The following MYCL variants were observed in gnomAD, a reference collection of about 807,000 sequenced individuals.
The protein encoded by MYCL is MYCL proto-oncogene, bHLH transcription factor.
MYCL carries 11 observed loss-of-function variants against 31.0 expected under a neutral mutation model. That is an observed-to-expected ratio of 0.35 (90% confidence interval 0.22 to 0.59). The LOEUF (loss-of-function observed/expected upper bound fraction) is 0.59. Among genes scored for constraint, MYCL ranks in the 20% least tolerant of loss-of-function variants. The pLI is 0.79. For missense variants in MYCL, 427 were observed against 486.1 expected, an observed-to-expected ratio of 0.88 and a Z score of 1.14; for synonymous variants, 208 against 202.4, an observed-to-expected ratio of 1.03 and a Z score of -0.23.
rs778410335 is a variant in MYCL at position 39,897,908 on chromosome 1, C to G, written c.559G>C (p.Val187Leu). The G allele has an allele frequency of 6.2e-7, 1 of 1,614,132 alleles. No homozygotes were observed. The highest frequency in any genetic ancestry group is 1.3e-5 in the African/African-American group (1 of 75,008). ...KRQSLGIRKP[V>L]TITVRADPLD... ...GGGTCTGCTCGCACCGTGATGGTGA[C>G]CGGCTTCCGAATACCCAGAGACTGC... is the stretch of plus-strand genomic sequence containing the variant. Residue 187 changes from valine (V) to leucine (L), a missense_variant, in exon 2 of 2, where the codon GTC becomes CTC. By Grantham distance (32) the Val-to-Leu change is conservative. Transcript: ENST00000372816. This position sits in a 1 kb window ranked among gnomAD's most constrained non-coding sequence, Gnocchi z 4.3.
In MYCL at chr1:39,901,762, C is replaced by T. The variant is rs1478835175; in HGVS notation, c.-328G>A. 1.6e-6 allele frequency: 2 copies of T among 1,223,776 alleles called. No individual in the cohort carries two copies. Among genetic ancestry groups the T allele is most frequent in the Non-Finnish European group, 2.0e-6 (2 of 980,382 alleles). The allele number at this position is 1,223,776 out of a possible 1,614,324, so 75.8% of individuals were successfully genotyped here. A position where few individuals can be genotyped will look rare whatever the true frequency, so the allele number is the denominator to read the frequency against. ...CCCAGAAGGCAGCCTGCAGCCAGCC[C>T]GCACCGCGGGACCCGCGCCCGTGCC... is the stretch of plus-strand genomic sequence containing the variant. On this transcript the variant is annotated 5_prime_UTR_variant, in exon 1 of 2. Transcript: ENST00000372816. The surrounding 1 kb of genome is among the most constrained non-coding windows in gnomAD (Gnocchi z 6.9).
chr1:39,898,397 A>G (rs1325566977), intron 1 of MYCL, among the ~76,000 whole-genome samples: 3 of 152,196 alleles, frequency 2.0e-5, no homozygotes, highest in Admixed American at 1.3e-4. Flanking sequence ...GTCTGTGGGC[A>G]GAGCTGCCCT....
chr1:39,901,848 C>G lies in MYCL; in HGVS notation c.-414G>C, dbSNP rs1241435200. On this transcript the variant is annotated 5_prime_UTR_variant, in exon 1 of 2. Coordinates refer to ENST00000372816, the MANE Select transcript of MYCL (RefSeq NM_001033081.3). This position sits in a 1 kb window ranked among gnomAD's most constrained non-coding sequence, Gnocchi z 6.9. Reference sequence around the variant, plus strand: ...CGCCACCTGGAGCGGACCGGCTCCCCGCCGGCTCGGGGCAGCCCGGCAGCC... The same window carrying G: ...CGCCACCTGGAGCGGACCGGCTCCCGGCCGGCTCGGGGCAGCCCGGCAGCC... 7.2e-6 allele frequency: 9 copies of G among 1,254,824 alleles called. No individual in the cohort carries two copies. The highest frequency in any genetic ancestry group is 2.0e-5 in the South Asian group (1 of 51,026). The allele number at this position is 1,254,824 out of a possible 1,614,324, so 77.7% of individuals were successfully genotyped here.
At chr1:39,899,653 C>A in intron 1 of MYCL, 4 of 985,462 alleles carry the variant, frequency 4.1e-6, no homozygotes, top group Non-Finnish European at 4.8e-6. Context: ...TCTCAAGATT[C>A]TCTTTCCAGC....
intron 1 of MYCL, chr1:39,898,925 T>G: frequency 1.0e-6 from 1 of 985,452 alleles, no homozygotes; most frequent in Non-Finnish European, 1.2e-6. Context: ...TTTTGCAGCC[T>G]CCACACAGAA....
rs1224607952 is a variant in MYCL, at chr1:39,897,869, T to C, written c.598A>G (p.Met200Val). ...TGGATGGAGATGTGGAAATGCTTCATGCAGGGATCCAGGGGGTCTGCTCGC... is the reference window on the plus strand; with the variant it reads ...TGGATGGAGATGTGGAAATGCTTCACGCAGGGATCCAGGGGGTCTGCTCGC... ...TVRADPLDPC[M>V]KHFHISIHQQ... Residue 200 changes from methionine to valine, a missense_variant, in exon 2 of 2, where the codon ATG becomes GTG. By Grantham distance (21) the Met-to-Val change is conservative. Transcript: ENST00000372816. The surrounding 1 kb of genome is among the most constrained non-coding windows in gnomAD (Gnocchi z 4.3). 1.9e-6 allele frequency: 3 copies of C among 1,614,214 alleles called. No individual in the cohort carries two copies. The highest frequency in any genetic ancestry group is 4.5e-5 in the East Asian group (2 of 44,884).
chr1:39,898,785 T>C, intron 1 of MYCL: 1 of 985,452 alleles, frequency 1.0e-6, no homozygotes, highest in Non-Finnish European at 1.2e-6. Flanking sequence ...GTCCCAGATA[T>C]GGGGCTCATA....
intron 1 of MYCL, chr1:39,899,241 T>A (rs1184091269): frequency 3.4e-6 from 1 of 290,558 alleles, no homozygotes; most frequent in African/African-American, 2.3e-5. Flanking sequence ...CCAGGCCATG[T>A]GGCCTGTGAG....
chr1:39,896,140 A>T lies in MYCL; in HGVS notation c.*1232T>A. 4.8e-6 allele frequency: 1 copy of T among 207,414 alleles called. No individual in the cohort carries two copies. Among genetic ancestry groups the T allele is most frequent in the African/African-American group, 2.3e-5 (1 of 43,934 alleles). The allele number at this position is 207,414 out of a possible 1,614,324, so 12.8% of individuals were successfully genotyped here. ...GGGTAAAATCCATCATGGTTGGCTAAGCATATCTCCTGGAGGCTCCTTTAA... is the reference window on the plus strand; with the variant it reads ...GGGTAAAATCCATCATGGTTGGCTATGCATATCTCCTGGAGGCTCCTTTAA... On this transcript the variant is annotated 3_prime_UTR_variant, in exon 2 of 2. Transcript: ENST00000372816.
At position 39,897,774 on chromosome 1, in the gene MYCL, C is replaced by T; in HGVS notation, c.693G>A (p.Arg231=). 2 of 1,614,114 alleles carry T rather than the reference C, an allele frequency of 1.2e-6. No homozygotes were observed. The highest frequency in any genetic ancestry group is 1.7e-6 in the Non-Finnish European group (2 of 1,180,030). ...ESCSQEEASE[R]GPQEEVLERD... Reference sequence around the variant, plus strand: ...TCTCCAGAACCTCTTCTTGGGGACCCCTCTCTGAAGCCTCTTCTTGGGAGC... The same window carrying T: ...TCTCCAGAACCTCTTCTTGGGGACCTCTCTCTGAAGCCTCTTCTTGGGAGC... Residue 231 remains arginine, a synonymous_variant, in exon 2 of 2, where the codon AGG becomes AGA. Coordinates refer to ENST00000372816, the MANE Select transcript of MYCL (RefSeq NM_001033081.3). The surrounding 1 kb of genome is among the most constrained non-coding windows in gnomAD (Gnocchi z 4.3).
intron 1 of MYCL, chr1:39,900,194 A>G: frequency 3.0e-6 from 3 of 985,522 alleles, no homozygotes; most frequent in Non-Finnish European, 2.4e-6. Context: ...CTCAGGACAA[A>G]CAGCAAGGCA....
chr1:39,898,625 A>G, intron 1 of MYCL: 3 of 983,988 alleles, frequency 3.0e-6, no homozygotes, highest in Non-Finnish European at 3.6e-6. Context: ...AAAGTCATCC[A>G]TCATTTATAG....
rs781669437 is a variant in MYCL, at chr1:39,897,693, T to G, written c.774A>C (p.Pro258=). The G allele has an allele frequency of 1.2e-6, 2 of 1,614,108 alleles. No homozygotes were observed. Among genetic ancestry groups the G allele is most frequent in the East Asian group, 4.5e-5 (2 of 44,880 alleles). The change falls in exon 2 of 2, where the codon CCA becomes CCC. Residue 258 remains proline, a synonymous_variant. Transcript: ENST00000372816. The surrounding 1 kb of genome is among the most constrained non-coding windows in gnomAD (Gnocchi z 4.3). The stretch of plus-strand genomic sequence containing the variant: ...ACTGGGCAGCCTCACTTTCTACAGG[T>G]GGGGGACTCACAATCTCTTCATCCT... ...DEEDEEIVSP[P]PVESEAAQSC... is the part of the protein sequence containing the mutation.
In MYCL at chr1:39,901,278, C is replaced by G; in HGVS notation, c.157G>C (p.Asp53His). The change falls in exon 1 of 2, where the codon GAC (aspartate) becomes CAC (histidine). Residue 53 changes from aspartate (D) to histidine (H), a missense_variant. Physicochemically the swap from Asp to His is moderately conservative, Grantham distance 81 (BLOSUM62 -1). Coordinates refer to ENST00000372816, the MANE Select transcript of MYCL (RefSeq NM_001033081.3). The surrounding 1 kb of genome is among the most constrained non-coding windows in gnomAD (Gnocchi z 6.9). ...PPWGLGPGAGDPAPGIGPPEP... is the reference protein window; with the variant it reads ...PPWGLGPGAGHPAPGIGPPEP... ...GGGGGACCAATCCCGGGGGCCGGGT[C>G]CCCTGCGCCGGGACCCAAGCCCCAG... 1.2e-6 allele frequency: 2 copies of G among 1,600,438 alleles called. No individual in the cohort carries two copies. Among genetic ancestry groups the G allele is most frequent in the South Asian group, 2.2e-5 (2 of 89,462 alleles).
At position 39,901,388 on chromosome 1, in the gene MYCL, C is replaced by T; in HGVS notation, c.47G>A (p.Gly16Glu). ...CGCCGTGGAGCGGTAGAAATCCTCC[C>T]CGCAGTCATAGTCGTAGAAATAGTG... ...YQHYFYDYDC[G>E]EDFYRSTAPS... is the part of the protein sequence containing the mutation. Residue 16 changes from glycine (G) to glutamate (E), a missense_variant, in exon 1 of 2, where the codon GGG becomes GAG. By Grantham distance (98) the Gly-to-Glu change is moderately conservative. Transcript: ENST00000372816. This position sits in a 1 kb window ranked among gnomAD's most constrained non-coding sequence, Gnocchi z 6.9. The T allele has an allele frequency of 6.2e-7, 1 of 1,613,052 alleles. No homozygotes were observed. Among genetic ancestry groups the T allele is most frequent in the South Asian group, 1.1e-5 (1 of 90,780 alleles).
In MYCL at chr1:39,899,150, C is replaced by A. The variant is rs970121572; in HGVS notation, c.497-1180G>T. 20 of 908,284 alleles carry A rather than the reference C, an allele frequency of 2.2e-5. No individual in the cohort carries two copies. In the African/African-American group the frequency reaches 3.6e-4, roughly 16 times the overall value. The allele number at this position is 908,284 out of a possible 1,614,324, so 56.3% of individuals were successfully genotyped here. A position where few individuals can be genotyped will look rare whatever the true frequency, so the allele number is the denominator to read the frequency against. The stretch of plus-strand genomic sequence containing the variant: ...TTTGGACTTCTGTCTTACCCAGCCC[C>A]TAGCCCCTATTGGGTGAGCTCTGCT... On this transcript the variant is annotated intron_variant, in intron 1 of 1. Transcript: ENST00000372816.
intron 1 of MYCL, chr1:39,898,817 C>T (rs1260543361): frequency 2.0e-6 from 2 of 985,324 alleles, no homozygotes; most frequent in African/African-American, 3.5e-5. Context: ...CTGGAGACAC[C>T]TGGACACGCC....
chr1:39,897,025 G>T lies in MYCL; in HGVS notation c.*347C>A. 3.7e-6 allele frequency: 1 copy of T among 270,406 alleles called. No individual in the cohort carries two copies. 16.8% of individuals were successfully genotyped at this position (270,406 alleles called of 1,614,324 possible). ...AGAGTGTGAGATTTCATGCAGGCTG[G>T]AGCCCCTGACAACATCCACCACCTG... On this transcript the variant is annotated 3_prime_UTR_variant, in exon 2 of 2. Coordinates refer to ENST00000372816, the MANE Select transcript of MYCL (RefSeq NM_001033081.3). The surrounding 1 kb of genome is among the most constrained non-coding windows in gnomAD (Gnocchi z 4.3).
chr1:39,900,157 G>C (rs1272595089), intron 1 of MYCL: 20 of 985,416 alleles, frequency 2.0e-5, no homozygotes, highest in African/African-American at 5.2e-5. Flanking sequence ...GATCTATTGA[G>C]GGGGAGCAAG....
Sources: allele counts gnomAD v4.1 joint callset (sites outside exome capture counted in the v4.1 genomes callset), GRCh38; gene constraint gnomAD v4.1.1; non-coding constraint Gnocchi (gnomAD v3.1); transcripts MANE v1.5; gene names NCBI Gene and HGNC (gene_info 2026-07-23, HGNC 2026-07-21).